FERMT2: variants seen among roughly 807,000 people sequenced by gnomAD.
The protein encoded by FERMT2 is fermitin family homolog 2.
A neutral mutation model predicts 82.7 loss-of-function variants in FERMT2; 15 were observed. The ratio of observed to expected loss-of-function variants is 0.18; its 90% CI spans 0.12 to 0.28. The LOEUF is 0.28. Among genes scored for constraint, FERMT2 ranks in the 10% least tolerant of loss-of-function variants. FERMT2 has a pLI of 1.00. For synonymous variants in FERMT2, 274 were observed against 271.5 expected (o/e 1.01, Z -0.09); for missense variants, 645 against 809.4 (o/e 0.80, Z 2.46).
At chr14:52,946,780 C>A (rs927419317) in intron 2 of FERMT2, among the ~76,000 whole-genome samples, 1 of 152,036 alleles carries the variant, frequency 6.6e-6, no homozygotes, top group African/African-American at 2.4e-5. Flanking sequence ...TCAAGTGATT[C>A]TCCTGCCTCA....
chr14:52,950,375 G>C, intron 2 of FERMT2, 37 bp downstream of exon 2: 1 of 1,598,940 alleles, frequency 6.3e-7, no homozygotes, highest in Non-Finnish European at 8.5e-7. Flanking sequence ...CCAATTCTGG[G>C]AAGTCATTAG....
chr14:52,929,885 G>A (rs1441754990), intron 2 of FERMT2, among the ~76,000 whole-genome samples: 2 of 152,076 alleles, frequency 1.3e-5, no homozygotes, highest in Non-Finnish European at 1.5e-5. Context: ...GAAGACAAAG[G>A]CAATGTCTAT....
At chr14:52,886,677 G>C (rs1411349107) in intron 4 of FERMT2, among the ~76,000 whole-genome samples, 1 of 152,012 alleles carries the variant, frequency 6.6e-6, no homozygotes, top group Non-Finnish European at 1.5e-5. Flanking sequence ...ATATATATTA[G>C]GATCTCATTT....
intron 4 of FERMT2, among the ~76,000 whole-genome samples, chr14:52,889,694 G>A (rs950539841): frequency 2.6e-5 from 4 of 151,906 alleles, no homozygotes; most frequent in Admixed American, 2.6e-4. Flanking sequence ...ACACACCTAG[G>A]CTATACGGAT....
In FERMT2 at chr14:52,946,413, G is replaced by A. The variant is rs1325069856; in HGVS notation, c.157+3999C>T. 2.6e-5 allele frequency among the ~76,000 whole-genome samples: 4 copies of A among 150,978 alleles called. No homozygotes were observed. The East Asian group carries it at 5.8e-4, about 22-fold the overall frequency. ...CACATCTGTAATCCCAACACTTTGG[G>A]AGGCCAAGGTGGAAGGACTGCTTGA... On this transcript the variant is annotated intron_variant, in intron 2 of 14. Transcript: ENST00000341590.
At chr14:52,880,538 A>C (rs1031278112) in intron 6 of FERMT2, among the ~76,000 whole-genome samples, 1 of 152,126 alleles carries the variant, frequency 6.6e-6, no homozygotes, top group Non-Finnish European at 1.5e-5. Flanking sequence ...AGCTGGCATT[A>C]CCAGCGTGTG....
intron 14 of FERMT2, 43 bp from the exon 15 acceptor site, chr14:52,858,593 G>A (rs765322347): frequency 2.5e-6 from 4 of 1,593,632 alleles, no homozygotes. Context: ...CCAAATGCTA[G>A]GTGGCTGGGT....
At chr14:52,867,049 C>CGAGG (rs1885326190) in intron 10 of FERMT2, among the ~76,000 whole-genome samples, 2 of 152,004 alleles carry the variant, frequency 1.3e-5, no homozygotes, top group Non-Finnish European at 2.9e-5. Flanking sequence ...TCTGTTACCT[C>CGAGG]TTTCCCCCTT....
rs1885155866 is a variant in FERMT2 at position 52,864,561 on chromosome 14, G to A, written c.1442C>T (p.Ala481Val). 3.1e-6 allele frequency: 5 copies of A among 1,613,990 alleles called. No individual in the cohort carries two copies. Among genetic ancestry groups the A allele is most frequent in the South Asian group, 1.1e-5 (1 of 91,086 alleles). Residue 481 changes from alanine (A) to valine (V), a missense_variant, in exon 12 of 15, where the codon GCG (alanine) becomes GTG (valine). Coordinates refer to ENST00000341590, the MANE Select transcript of FERMT2 (RefSeq NM_006832.3). ...CRLASKGKTM[A>V]DSSYNLEVQN... ...AACTTCTAAGTTGTAAGAACTGTCC[G>A]CCATGGTCTTGCCTTTGGAGGCTAA...
chr14:52,862,425 C>T (rs1242521654), intron 12 of FERMT2, among the ~76,000 whole-genome samples: 2 of 151,990 alleles, frequency 1.3e-5, no homozygotes, highest in South Asian at 2.1e-4. Flanking sequence ...CCCAGTGCTT[C>T]GGGAGGCCAA....
At position 52,878,590 on chromosome 14, in the gene FERMT2, C is replaced by A; in HGVS notation, c.955G>T (p.Ala319Ser). 2 of 1,606,512 alleles carry A rather than the reference C, an allele frequency of 1.2e-6. No individual in the cohort carries two copies. Among genetic ancestry groups the A allele is most frequent in the African/African-American group, 2.7e-5 (2 of 74,792 alleles). Reference sequence around the variant, plus strand: ...CTAGACCTTTCAACTACCTGCAGGGCTGCAAACATCATCATTTCTTCTTCT... The same window carrying A: ...CTAGACCTTTCAACTACCTGCAGGGATGCAAACATCATCATTTCTTCTTCT... ...CTEEEMMMFAALQYHINKLSI... is the reference protein window; with the variant it reads ...CTEEEMMMFASLQYHINKLSI... The change falls in exon 7 of 15, where the codon GCC becomes TCC. Residue 319 changes from alanine to serine, a missense_variant. Coordinates refer to ENST00000341590, the MANE Select transcript of FERMT2 (RefSeq NM_006832.3).
chr14:52,913,102 T>C (rs966014985), intron 3 of FERMT2, among the ~76,000 whole-genome samples: 6 of 152,150 alleles, frequency 3.9e-5, no homozygotes. Context: ...CAACAAACGA[T>C]TGCAAAAGTG....
At chr14:52,914,207 A>T (rs182376781) in intron 3 of FERMT2, among the ~76,000 whole-genome samples, 28 of 152,032 alleles carry the variant, frequency 1.8e-4, no homozygotes, top group African/African-American at 5.5e-4. Context: ...TACAAAAAAA[A>T]AAATATATAA....
chr14:52,876,374 T>C (rs369932620), intron 7 of FERMT2, among the ~76,000 whole-genome samples: 138 of 152,162 alleles, frequency 9.1e-4, no homozygotes, highest in African/African-American at 3.2e-3. Context: ...AATGTCAGAG[T>C]ATATTAAGAG....
chr14:52,875,307 G>A lies in FERMT2; in HGVS notation c.1014C>T (p.Asn338=). 6.2e-7 allele frequency: 1 copy of A among 1,610,924 alleles called. No homozygotes were observed. Among genetic ancestry groups the A allele is most frequent in the African/African-American group, 1.3e-5 (1 of 74,918 alleles). The change falls in exon 8 of 15, where the codon AAC becomes AAT. Residue 338 remains asparagine, a synonymous_variant. Transcript: ENST00000341590. ...CAACTTCATCAACTTCTTTGTCACTGTTGTTCAAATGATTCTCTGATGTCA... is the reference window on the plus strand; with the variant it reads ...CAACTTCATCAACTTCTTTGTCACTATTGTTCAAATGATTCTCTGATGTCA... ...SIMTSENHLN[N]SDKEVDEVDA...
At chr14:52,886,923 A>G (rs759485637) in intron 4 of FERMT2, among the ~76,000 whole-genome samples, 3 of 152,214 alleles carry the variant, frequency 2.0e-5, no homozygotes, top group African/African-American at 4.8e-5. Flanking sequence ...GTATTCATGT[A>G]TAAATTTTGT....
chr14:52,905,689 G>C (rs956232160), intron 3 of FERMT2, among the ~76,000 whole-genome samples: 2 of 152,190 alleles, frequency 1.3e-5, no homozygotes, highest in Non-Finnish European at 2.9e-5. Flanking sequence ...TCTGGTATGT[G>C]TACCTGGGAT....
rs780433822 is a variant in FERMT2 at position 52,881,281 on chromosome 14, G to A, written c.715C>T (p.Pro239Ser). The change falls in exon 5 of 15, where the codon CCT (proline) becomes TCT (serine). Residue 239 changes from proline to serine, a missense_variant. Pro to Ser is a moderately conservative substitution (Grantham distance 74, BLOSUM62 -1). Transcript: ENST00000341590. ...TTTGCTTTATCAAGAAGAGCTTGAG[G>A]CTTGAACATTTTTGCCAAGATTTCT... is the stretch of plus-strand genomic sequence containing the variant. ...SPEILAKMFK[P>S]QALLDKAKIN... 1 of 1,614,016 alleles carries A rather than the reference G, an allele frequency of 6.2e-7. No homozygotes were observed. The highest frequency in any genetic ancestry group is 8.5e-7 in the Non-Finnish European group (1 of 1,179,984).
intron 3 of FERMT2, among the ~76,000 whole-genome samples, chr14:52,917,294 G>GTA (rs1288070629): frequency 6.6e-6 from 1 of 151,756 alleles, no homozygotes. Context: ...GTGTGTGTGT[G>GTA]TATGTGTGTG....
Sources: gnomAD v4.1 joint callset for allele counts (sites outside exome capture counted in the v4.1 genomes callset) on GRCh38, gnomAD v4.1.1 for gene constraint, MANE v1.5 for transcripts, NCBI Gene and HGNC (gene_info 2026-07-23, HGNC 2026-07-21) for gene names.